The following PARD3B variants were observed in gnomAD, a reference collection of about 807,000 sequenced individuals.
The protein encoded by PARD3B is partitioning defective 3 homolog B.
PARD3B carries 103 observed loss-of-function variants against 130.2 expected under a neutral mutation model. That is an observed-to-expected ratio of 0.79 (90% CI 0.67 to 0.93). The LOEUF is 0.93. Ranked by LOEUF, PARD3B falls within the 40% of genes least tolerant of loss-of-function variation. The pLI, the probability that PARD3B is intolerant of heterozygous loss-of-function variation, is 0.00. For synonymous variants in PARD3B, 583 were observed against 553.2 expected (o/e 1.05, Z -0.76); for missense variants, 1,609 against 1,499.2 (o/e 1.07, Z -1.21).
At chr2:205,559,676 G>A (rs943207140) in intron 22 of PARD3B, among the ~76,000 whole-genome samples, 19 of 138,394 alleles carry the variant, frequency 1.4e-4, no homozygotes, top group Middle Eastern at 4.3e-3. Context: ...TCGGCTCACC[G>A]CAACTTCCGC....
intron 20 of PARD3B, among the ~76,000 whole-genome samples, chr2:205,451,333 G>T (rs1400684590): frequency 1.3e-5 from 2 of 151,608 alleles, no homozygotes; most frequent in African/African-American, 4.9e-5. Context: ...GGCAAAAAAT[G>T]TATTAAAAGA....
In PARD3B at chr2:205,579,458, G is replaced by A. The variant is rs73060189; in HGVS notation, c.3260+26055G>A. ...CCAAAGGGGTGTCTGTGCCGACAGG[G>A]AAGGCAGCTGCGGTTATGAACCAGC... On this transcript the variant is annotated intron_variant, in intron 22 of 22. Transcript: ENST00000406610. Among the ~76,000 whole-genome samples, 1,192 of 152,254 alleles carry A rather than the reference G, an allele frequency of 7.8e-3. 17 individuals are homozygous for A. Among genetic ancestry groups the A allele is most frequent in the African/African-American group, 0.026 (1,071 of 41,544 alleles).
Position 205,011,560 on chromosome 2 carries a change from T to C in PARD3B, c.395-36021T>C, listed in dbSNP as rs1441005490. On this transcript the variant is annotated intron_variant, in intron 3 of 22. Coordinates refer to ENST00000406610, the MANE Select transcript of PARD3B (RefSeq NM_001302769.2). The surrounding 1 kb of genome is among the most constrained non-coding windows in gnomAD (Gnocchi z 4.1). The stretch of plus-strand genomic sequence containing the variant: ...TATTCATCGCACAGACCAACCTTGG[T>C]GCACTGTAGGAAGGAACTACATAGT... Among the ~76,000 whole-genome samples, 3 of 152,152 alleles carry C rather than the reference T, an allele frequency of 2.0e-5. No individual in the cohort carries two copies. Among genetic ancestry groups the C allele is most frequent in the Non-Finnish European group, 4.4e-5 (3 of 68,024 alleles).
chr2:205,328,335 T>C (rs978575497), intron 18 of PARD3B, among the ~76,000 whole-genome samples: 12 of 152,210 alleles, frequency 7.9e-5, no homozygotes, highest in Admixed American at 7.9e-4. Flanking sequence ...AATGTTATGG[T>C]AATAACTGCT....
At chr2:205,582,276 G>C (rs926260285) in intron 22 of PARD3B, among the ~76,000 whole-genome samples, 9 of 152,068 alleles carry the variant, frequency 5.9e-5, no homozygotes, top group Non-Finnish European at 1.2e-4. Flanking sequence ...AATAGACTCT[G>C]GATAATTCCT....
rs529107381 is a variant in PARD3B at position 205,183,084 on chromosome 2, G to A, written c.1925-2680G>A. Among the ~76,000 whole-genome samples, 8 of 152,266 alleles carry A rather than the reference G, an allele frequency of 5.3e-5. No homozygotes were observed. The South Asian group carries it at 6.2e-4, about 12-fold the overall frequency. ...AAAGTGACAGATCCTTGGCAACAGCGAAGGCTTCATAGTAAAAGTGATATT... is the reference window on the plus strand; with the variant it reads ...AAAGTGACAGATCCTTGGCAACAGCAAAGGCTTCATAGTAAAAGTGATATT... On this transcript the variant is annotated intron_variant, in intron 13 of 22. Transcript: ENST00000406610. The surrounding 1 kb of genome is among the most constrained non-coding windows in gnomAD (Gnocchi z 5.2).
At chr2:205,356,890 CAAAAA>C (rs33968644) in intron 18 of PARD3B, among the ~76,000 whole-genome samples, 1 of 131,352 alleles carries the variant, frequency 7.6e-6, no homozygotes, top group Non-Finnish European at 1.6e-5. Context: ...GACTCTGTCT[CAAAAA>C]AAAAAAAAAA....
Position 204,623,592 on chromosome 2 carries a change from A to G in PARD3B, c.121-62589A>G, listed in dbSNP as rs1400051182. Among the ~76,000 whole-genome samples the G allele has an allele frequency of 6.6e-6, 1 of 152,012 alleles. No homozygotes were observed. The highest frequency in any genetic ancestry group is 2.1e-4 in the South Asian group (1 of 4,832). ...TTCTACTTGGCATAATGTCATTGAG[A>G]TATATCCAAGTTGTTGCATGTATCA... On this transcript the variant is annotated intron_variant, in intron 1 of 22. Transcript: ENST00000406610. The surrounding 1 kb of genome is among the most constrained non-coding windows in gnomAD (Gnocchi z 4.5).
intron 1 of PARD3B, among the ~76,000 whole-genome samples, chr2:204,604,854 G>A (rs186314122): frequency 6.6e-5 from 10 of 152,138 alleles, no homozygotes; most frequent in Non-Finnish European, 1.3e-4. Context: ...AATTTGGATG[G>A]GGTATTCTTC....
At chr2:204,601,653 C>G (rs867469787) in intron 1 of PARD3B, among the ~76,000 whole-genome samples, 1 of 151,920 alleles carries the variant, frequency 6.6e-6, no homozygotes, top group East Asian at 1.9e-4. Context: ...TTAAGCAGTT[C>G]GTGAACTGCT....
intron 18 of PARD3B, among the ~76,000 whole-genome samples, chr2:205,320,090 C>T (rs372365429): frequency 4.6e-5 from 7 of 150,724 alleles, no homozygotes; most frequent in African/African-American, 7.3e-5. Flanking sequence ...TGCTTGAACC[C>T]GGGAGATAGA....
chr2:205,125,720 T>C lies in PARD3B; in HGVS notation c.1417T>C (p.Phe473Leu), dbSNP rs1421611524. 1 of 1,613,972 alleles carries C rather than the reference T, an allele frequency of 6.2e-7. No individual in the cohort carries two copies. Among genetic ancestry groups the C allele is most frequent in the African/African-American group, 1.3e-5 (1 of 74,906 alleles). Residue 473 changes from phenylalanine (F) to leucine (L), a missense_variant, in exon 10 of 23, where the codon TTT (phenylalanine) becomes CTT (leucine). Coordinates refer to ENST00000406610, the MANE Select transcript of PARD3B (RefSeq NM_001302769.2). This position sits in a 1 kb window ranked among gnomAD's most constrained non-coding sequence, Gnocchi z 4.0. ...GGTCATTGCCCGCCAAGAAGGACAT[T>C]TTCTGCCCCGAGAGTTGGTAATGTT... ...SLVIARQEGH[F>L]LPRELKGEPD...
chr2:204,583,296 TA>T, intron 1 of PARD3B, among the ~76,000 whole-genome samples: 1 of 95,818 alleles, frequency 1.0e-5, no homozygotes, highest in South Asian at 4.2e-4. Context: ...TATGCAGCCA[TA>T]AAAAATGATG....
chr2:204,839,861 C>T (rs565493504), intron 2 of PARD3B, among the ~76,000 whole-genome samples: 2 of 152,136 alleles, frequency 1.3e-5, no homozygotes, highest in Non-Finnish European at 2.9e-5. Flanking sequence ...ATAGACAGCT[C>T]TCATTGTCTG....
At chr2:205,333,770 A>G (rs2043215995) in intron 18 of PARD3B, among the ~76,000 whole-genome samples, 2 of 152,126 alleles carry the variant, frequency 1.3e-5, no homozygotes, top group African/African-American at 4.8e-5. Flanking sequence ...CCATGCATTA[A>G]CTAGAAGGGC....
At chr2:205,164,485 T>C (rs923038045) in intron 11 of PARD3B, among the ~76,000 whole-genome samples, 3 of 152,078 alleles carry the variant, frequency 2.0e-5, no homozygotes, top group African/African-American at 7.2e-5. Context: ...AAAAATCCCA[T>C]AATTCCAGCA....
intron 15 of PARD3B, among the ~76,000 whole-genome samples, chr2:205,206,816 A>G (rs1162038042): frequency 6.6e-6 from 1 of 151,830 alleles, no homozygotes; most frequent in Non-Finnish European, 1.5e-5. Context: ...AACGAGACAG[A>G]AAGTCAACAA....
intron 19 of PARD3B, among the ~76,000 whole-genome samples, chr2:205,425,179 G>A (rs1206398149): frequency 1.3e-5 from 2 of 152,110 alleles, no homozygotes; most frequent in Non-Finnish European, 2.9e-5. Flanking sequence ...TGTTATCAGA[G>A]AATATCATAA....
chr2:204,750,692 T>A (rs1406971382), intron 2 of PARD3B, among the ~76,000 whole-genome samples: 14 of 152,098 alleles, frequency 9.2e-5, no homozygotes, highest in Admixed American at 9.2e-4. Context: ...CATTTCCTAG[T>A]AAAGGGGGTG....
Sources: gnomAD v4.1 joint callset for allele counts (sites outside exome capture counted in the v4.1 genomes callset) on GRCh38, gnomAD v4.1.1 for gene constraint, Gnocchi (gnomAD v3.1) non-coding constraint, MANE v1.5 for transcripts, NCBI Gene and HGNC (gene_info 2026-07-23, HGNC 2026-07-21) for gene names.